TLE4: variants seen among roughly 807,000 people sequenced by gnomAD.
The protein encoded by TLE4 is TLE family member 4, transcriptional corepressor.
TLE4 carries 8 observed loss-of-function variants against 92.8 expected under a neutral mutation model. That is an observed-to-expected ratio of 0.09 (90% CI 0.05 to 0.16). TLE4 has a LOEUF of 0.16. Among genes scored for constraint, TLE4 ranks in the 10% least tolerant of loss-of-function variants. TLE4 has a pLI of 1.00. For synonymous variants in TLE4, 371 were observed against 374.1 expected, an observed-to-expected ratio of 0.99 and a Z score of 0.10; for missense variants, 675 against 997.6, an observed-to-expected ratio of 0.68 and a Z score of 4.36.
chr9:79,598,875 A>G (rs534279041), intron 4 of TLE4, among the ~76,000 whole-genome samples: 1 of 152,242 alleles, frequency 6.6e-6, no homozygotes, highest in South Asian at 2.1e-4. Context: ...AGTTCAGATC[A>G]GTTTTGCATT....
rs143275930 is a variant in TLE4, at chr9:79,651,195, G to A, written c.391-1398G>A. ...CTTTAAAGGCAAAAACTAAAATTCA[G>A]TCACTACAAAATTTAACCTGAGAAT... On this transcript the variant is annotated intron_variant, in intron 6 of 19. Coordinates refer to ENST00000376552, the MANE Select transcript of TLE4 (RefSeq NM_007005.6). Among the ~76,000 whole-genome samples the A allele has an allele frequency of 2.0e-3, 298 of 152,224 alleles. 2 individuals carry two copies. The highest frequency in any genetic ancestry group is 3.4e-3 in the Middle Eastern group (1 of 294).
chr9:79,707,445 C>CT (rs1390216438), intron 11 of TLE4, among the ~76,000 whole-genome samples: 6 of 152,270 alleles, frequency 3.9e-5, no homozygotes, highest in Admixed American at 1.3e-4. Context: ...TTAATTGCAA[C>CT]TTTGTGTGGT....
Position 79,666,194 on chromosome 9 carries a change from T to G in TLE4, c.609+12119T>G, listed in dbSNP as rs7020448. On this transcript the variant is annotated intron_variant, in intron 8 of 19. Transcript: ENST00000376552. Reference sequence around the variant, plus strand: ...GTGTGTGTGTGTGTGTGTGTGTGTGTGTGGGTGGGGTTTTTTTTTTTTGTT... The same window carrying G: ...GTGTGTGTGTGTGTGTGTGTGTGTGGGTGGGTGGGGTTTTTTTTTTTTGTT... Among the ~76,000 whole-genome samples the G allele has an allele frequency of 9.2e-5, 12 of 130,448 alleles. No individual in the cohort carries two copies. In the East Asian group the frequency reaches 1.1e-3, roughly 12 times the overall value. 85.6% of individuals were successfully genotyped at this position (130,448 alleles called of 152,430 possible).
At chr9:79,647,276 A>C (rs953032454) in intron 6 of TLE4, among the ~76,000 whole-genome samples, 5 of 152,158 alleles carry the variant, frequency 3.3e-5, no homozygotes, top group Admixed American at 2.6e-4. Flanking sequence ...TAGAAGCTTA[A>C]CTCATTAAAA....
intron 14 of TLE4, among the ~76,000 whole-genome samples, chr9:79,717,578 G>A (rs2074778994): frequency 6.6e-6 from 1 of 152,164 alleles, no homozygotes; most frequent in South Asian, 2.1e-4. Flanking sequence ...TCAGGTAGTT[G>A]AGGACCATTC....
chr9:79,719,080 A>G, intron 15 of TLE4, 109 bp downstream of exon 15: 1 of 1,459,612 alleles, frequency 6.9e-7, no homozygotes, highest in Non-Finnish European at 9.1e-7. Flanking sequence ...TCCCAGGTGG[A>G]TAGTTGCTCT....
chr9:79,596,727 C>CT (rs1308182348), intron 4 of TLE4, among the ~76,000 whole-genome samples: 1 of 152,204 alleles, frequency 6.6e-6, no homozygotes, highest in African/African-American at 2.4e-5. Flanking sequence ...AACAGAACTA[C>CT]TTACCTTAAG....
At chr9:79,658,057 C>A (rs572182676) in intron 8 of TLE4, among the ~76,000 whole-genome samples, 2 of 152,154 alleles carry the variant, frequency 1.3e-5, no homozygotes, top group Non-Finnish European at 2.9e-5. Context: ...ACATTTTTTC[C>A]ATCTGAGTGG....
chr9:79,692,191 A>G (rs947309905), intron 8 of TLE4, among the ~76,000 whole-genome samples: 52 of 152,190 alleles, frequency 3.4e-4, no homozygotes, highest in African/African-American at 1.1e-3. Context: ...TTGTAACTCA[A>G]GGTTGCCCTA....
chr9:79,707,549 C>G (rs1366689368), intron 11 of TLE4, among the ~76,000 whole-genome samples: 1 of 152,156 alleles, frequency 6.6e-6, no homozygotes, highest in African/African-American at 2.4e-5. Flanking sequence ...CTCTGGAATT[C>G]ACAGCTAAAG....
intron 2 of TLE4, 112 bp downstream of exon 2, chr9:79,573,898 TA>T (rs1219462311): frequency 4.2e-6 from 3 of 713,882 alleles, no homozygotes; most frequent in Non-Finnish European, 6.1e-6. Context: ...ACAAAGGTAT[TA>T]TTTTTTTTTC....
At chr9:79,591,044 T>A (rs1457730396) in intron 4 of TLE4, among the ~76,000 whole-genome samples, 1 of 152,218 alleles carries the variant, frequency 6.6e-6, no homozygotes, top group African/African-American at 2.4e-5. Context: ...CCAGCTAATG[T>A]TAATTAACCT....
At chr9:79,688,920 C>T (rs1237818686) in intron 8 of TLE4, among the ~76,000 whole-genome samples, 2 of 151,948 alleles carry the variant, frequency 1.3e-5, no homozygotes, top group African/African-American at 4.8e-5. Flanking sequence ...ATATCTTCCC[C>T]CAAGCTATAA....
intron 3 of TLE4, 47 bp from the exon 4 acceptor site, chr9:79,576,086 T>C: frequency 7.4e-7 from 1 of 1,357,844 alleles, no homozygotes; most frequent in Non-Finnish European, 9.9e-7. Context: ...ACTAGGGAGA[T>C]TGTTTGATGA....
At chr9:79,713,276 A>G (rs960020496) in intron 14 of TLE4, among the ~76,000 whole-genome samples, 2 of 152,232 alleles carry the variant, frequency 1.3e-5, no homozygotes, top group Non-Finnish European at 2.9e-5. Context: ...CTTTGTCAAG[A>G]TGATAATCCA....
At chr9:79,718,304 A>G (rs1372053892) in intron 14 of TLE4, among the ~76,000 whole-genome samples, 1 of 152,120 alleles carries the variant, frequency 6.6e-6, no homozygotes, top group Non-Finnish European at 1.5e-5. Flanking sequence ...GAATTGATCT[A>G]TAGGCGAGGT....
rs1000229518 is a variant in TLE4 at position 79,726,066 on chromosome 9, G to A, written c.*922G>A. ...TGGCATGCTCTTTGGGAGCTGCACAGTTATGGGGAGGACTCCCACTGCTGT... is the reference window on the plus strand; with the variant it reads ...TGGCATGCTCTTTGGGAGCTGCACAATTATGGGGAGGACTCCCACTGCTGT... On this transcript the variant is annotated 3_prime_UTR_variant, in exon 20 of 20. Coordinates refer to ENST00000376552, the MANE Select transcript of TLE4 (RefSeq NM_007005.6). 3 of 152,634 alleles carry A rather than the reference G, an allele frequency of 2.0e-5. No individual in the cohort carries two copies. Among genetic ancestry groups the A allele is most frequent in the Admixed American group, 2.0e-4 (3 of 15,288 alleles). 9.5% of individuals were successfully genotyped at this position (152,634 alleles called of 1,614,324 possible).
chr9:79,700,510 G>A (rs2069506878), intron 8 of TLE4, among the ~76,000 whole-genome samples: 1 of 152,160 alleles, frequency 6.6e-6, no homozygotes. Flanking sequence ...AGTAAAGTCT[G>A]GGATGGTCTT....
intron 14 of TLE4, among the ~76,000 whole-genome samples, chr9:79,717,526 C>A (rs2074763553): frequency 6.6e-6 from 1 of 152,198 alleles, no homozygotes; most frequent in South Asian, 2.1e-4. Context: ...GTGCCCTCAT[C>A]TTCCACAGCC....
Sources: allele counts gnomAD v4.1 joint callset (sites outside exome capture counted in the v4.1 genomes callset), GRCh38; gene constraint gnomAD v4.1.1; transcripts MANE v1.5; gene names NCBI Gene and HGNC (gene_info 2026-07-23, HGNC 2026-07-21).